Variants in N4BP2 observed in about 807,000 individuals in gnomAD.
The protein encoded by N4BP2 is NEDD4-binding protein 2.
N4BP2 carries 91 observed loss-of-function variants against 152.8 expected under a neutral mutation model. That is an observed-to-expected ratio of 0.60 (90% confidence interval 0.50 to 0.71). The LOEUF is 0.71. N4BP2 is among the 30% of genes least tolerant of loss of function. The probability of loss-of-function intolerance (pLI) is 0.00; values close to 1 mark genes in which losing one functional copy is unlikely to be tolerated. For missense variants in N4BP2, 1,923 were observed against 2,059.1 expected, an observed-to-expected ratio of 0.93 and a Z score of 1.28; for synonymous variants, 646 against 705.3, an observed-to-expected ratio of 0.92 and a Z score of 1.33.
chr4:40,144,154 C>G (rs1415562360), intron 15 of N4BP2, among the ~76,000 whole-genome samples: 1 of 152,000 alleles, frequency 6.6e-6, no homozygotes, highest in African/African-American at 2.4e-5. Context: ...AGAACATCTG[C>G]CTGTTTGTCT....
At chr4:40,095,330 C>G (rs1034711472) in intron 2 of N4BP2, among the ~76,000 whole-genome samples, 6 of 152,178 alleles carry the variant, frequency 3.9e-5, no homozygotes, top group Non-Finnish European at 8.8e-5. Context: ...ATCCACCCAC[C>G]TTGGCCTCCC....
intron 16 of N4BP2, among the ~76,000 whole-genome samples, chr4:40,146,801 C>T (rs1720559046): frequency 6.7e-6 from 1 of 150,080 alleles, no homozygotes. Context: ...CTTTGACCAG[C>T]ATTTCATTTC....
intron 16 of N4BP2, among the ~76,000 whole-genome samples, chr4:40,146,533 AT>A (rs1033643737): frequency 3.3e-5 from 5 of 152,164 alleles, no homozygotes; most frequent in African/African-American, 4.8e-5. Context: ...TATTACTCTT[AT>A]TTTTTTGACA....
the N4BP2 span, among the ~76,000 whole-genome samples, chr4:40,180,732 T>C: frequency 0.022 from 3,308 of 152,358 alleles, 135 homozygotes; most frequent in African/African-American, 0.075. Context: ...TGGACTATTA[T>C]GTTGCTATTA....
chr4:40,116,304 T>C (rs939167382), intron 7 of N4BP2, among the ~76,000 whole-genome samples: 3 of 152,162 alleles, frequency 2.0e-5, no homozygotes, highest in African/African-American at 7.2e-5. Flanking sequence ...TGATCTTGTT[T>C]CTTAGAATTA....
chr4:40,121,514 G>A lies in N4BP2; in HGVS notation c.3403G>A (p.Asp1135Asn), dbSNP rs1717906896. ...LLDSETKLCE[D>N]TEFENFQKSC... ...GGATTCTGAAACTAAGTTATGTGAG[G>A]ATACAGAGTTTGAGAATTTCCAAAA... The change falls in exon 9 of 18, where the codon GAT (aspartate) becomes AAT (asparagine). Residue 1135 changes from aspartate to asparagine, a missense_variant. Coordinates refer to ENST00000261435, the MANE Select transcript of N4BP2 (RefSeq NM_018177.6). 2 of 1,614,140 alleles carry A rather than the reference G, an allele frequency of 1.2e-6. No homozygotes were observed. The highest frequency in any genetic ancestry group is 2.2e-5 in the East Asian group (1 of 44,876).
the N4BP2 span, among the ~76,000 whole-genome samples, chr4:40,164,401 A>G: frequency 6.6e-6 from 1 of 152,218 alleles, no homozygotes; most frequent in Non-Finnish European, 1.5e-5. Flanking sequence ...AGAAGGTCAC[A>G]GAATTGATAC....
chr4:40,182,365 T>C, the N4BP2 span, among the ~76,000 whole-genome samples: 1 of 152,238 alleles, frequency 6.6e-6, no homozygotes, highest in Non-Finnish European at 1.5e-5. Context: ...CCTTTTGTCC[T>C]GTAGGCAGTA....
Position 40,154,420 on chromosome 4 carries a change from C to G in N4BP2, c.*183C>G, listed in dbSNP as rs976638765. ...GTTTGATTTTTTACTGAATCAAATG[C>G]AAATGTTACCTGTTAAAGATATTAC... On this transcript the variant is annotated 3_prime_UTR_variant, in exon 18 of 18. Coordinates refer to ENST00000261435, the MANE Select transcript of N4BP2 (RefSeq NM_018177.6). 1 of 486,104 alleles carries G rather than the reference C, an allele frequency of 2.1e-6. No individual in the cohort carries two copies. Among genetic ancestry groups the G allele is most frequent in the East Asian group, 3.6e-5 (1 of 27,994 alleles). 30.1% of individuals were successfully genotyped at this position (486,104 alleles called of 1,614,324 possible).
At chr4:40,065,131 G>T (rs1164340173) in intron 1 of N4BP2, among the ~76,000 whole-genome samples, 2 of 152,178 alleles carry the variant, frequency 1.3e-5, no homozygotes, top group African/African-American at 2.4e-5. Flanking sequence ...GGGCTACCTT[G>T]TGTGGGAAAC....
In N4BP2 at chr4:40,091,024, A is replaced by G. The variant is rs1578999308; in HGVS notation, c.-114-6203A>G. On this transcript the variant is annotated intron_variant, in intron 2 of 17. Coordinates refer to ENST00000261435, the MANE Select transcript of N4BP2 (RefSeq NM_018177.6). The stretch of plus-strand genomic sequence containing the variant: ...TTCTCTGTTTTTTTTTTTTTTTGCA[A>G]TTGTGAAGGGTACTGTTTCTTTAAT... Among the ~76,000 whole-genome samples, 5 of 139,488 alleles carry G rather than the reference A, an allele frequency of 3.6e-5. No homozygotes were observed. The South Asian group carries it at 1.2e-3, about 34-fold the overall frequency. The allele number at this position is 139,488 out of a possible 152,430, so 91.5% of individuals were successfully genotyped here. A position where few individuals can be genotyped will look rare whatever the true frequency, so the allele number is the denominator to read the frequency against.
At chr4:40,079,121 C>T (rs1025583195) in intron 2 of N4BP2, among the ~76,000 whole-genome samples, 3 of 151,408 alleles carry the variant, frequency 2.0e-5, no homozygotes, top group South Asian at 2.1e-4. Flanking sequence ...GGGGTTTTAC[C>T]GTGCTGGCCA....
the N4BP2 span, among the ~76,000 whole-genome samples, chr4:40,181,784 C>T: frequency 6.6e-6 from 1 of 152,272 alleles, no homozygotes; most frequent in Non-Finnish European, 1.5e-5. Flanking sequence ...CCCGTCTCTA[C>T]TAAAAAATAC....
intron 1 of N4BP2, among the ~76,000 whole-genome samples, chr4:40,070,343 G>A (rs754432787): frequency 6.6e-6 from 1 of 152,060 alleles, no homozygotes; most frequent in East Asian, 1.9e-4. Context: ...ATAAGAAGAC[G>A]TATATCTTCA....
chr4:40,175,675 G>A, the N4BP2 span, among the ~76,000 whole-genome samples: 1 of 151,984 alleles, frequency 6.6e-6, no homozygotes, highest in Non-Finnish European at 1.5e-5. Context: ...GGGCGTGGTG[G>A]CGGGCGCCTG....
At chr4:40,179,957 T>C in the N4BP2 span, among the ~76,000 whole-genome samples, 2,055 of 152,078 alleles carry the variant, frequency 0.014, 52 homozygotes, top group African/African-American at 0.047. Flanking sequence ...AGAGACAGGG[T>C]TTCTCCATGT....
chr4:40,137,450 A>G (rs1255097025), intron 14 of N4BP2, among the ~76,000 whole-genome samples: 1 of 152,184 alleles, frequency 6.6e-6, no homozygotes, highest in African/African-American at 2.4e-5. Flanking sequence ...TGGCTCTACC[A>G]TTTTATATTT....
intron 2 of N4BP2, among the ~76,000 whole-genome samples, chr4:40,089,738 C>T (rs957038096): frequency 6.6e-6 from 1 of 152,048 alleles, no homozygotes; most frequent in African/African-American, 2.4e-5. Flanking sequence ...CACCCAGCCA[C>T]GATCAGTTTT....
chr4:40,146,412 T>G (rs1720525898), intron 16 of N4BP2, among the ~76,000 whole-genome samples: 1 of 152,152 alleles, frequency 6.6e-6, no homozygotes, highest in South Asian at 2.1e-4. Context: ...GCTTATTGTA[T>G]AATTGGTTAT....
Sources: gnomAD v4.1 joint callset for allele counts (sites outside exome capture counted in the v4.1 genomes callset) on GRCh38, gnomAD v4.1.1 for gene constraint, MANE v1.5 for transcripts, NCBI Gene and HGNC (gene_info 2026-07-23, HGNC 2026-07-21) for gene names.